SUCLG2: variants seen among roughly 807,000 people sequenced by gnomAD.
SUCLG2 encodes the protein succinate-CoA ligase GDP-forming subunit beta.
In SUCLG2, 42 loss-of-function variants were observed where a neutral mutation model predicts 47.9. The observed-to-expected ratio is 0.88, with a 90% confidence interval of 0.69 to 1.14. The LOEUF is 1.14. Ranked by LOEUF, SUCLG2 falls within the 50% of genes most tolerant of loss-of-function variation. The probability of loss-of-function intolerance (pLI) is 0.00; values close to 1 mark genes in which losing one functional copy is unlikely to be tolerated. For synonymous variants in SUCLG2, 195 were observed against 197.3 expected (o/e 0.99, Z 0.10); for missense variants, 571 against 525.9 (o/e 1.09, Z -0.84).
chr3:67,641,019 G>A lies in SUCLG2; in HGVS notation c.84+13484C>T, dbSNP rs1701092241. Among the ~76,000 whole-genome samples, 3 of 152,076 alleles carry A rather than the reference G, an allele frequency of 2.0e-5. No individual in the cohort carries two copies. The South Asian group carries it at 6.2e-4, about 31-fold the overall frequency. On this transcript the variant is annotated intron_variant, in intron 1 of 10. Transcript: ENST00000307227. The stretch of plus-strand genomic sequence containing the variant: ...TAAGTGAGATTAAAAATAATAATGA[G>A]GTTTGCTGGATTTACTTAAAATCAA...
At chr3:67,476,608 C>A (rs1217194285) in intron 9 of SUCLG2, among the ~76,000 whole-genome samples, 1 of 152,178 alleles carries the variant, frequency 6.6e-6, no homozygotes, top group East Asian at 1.9e-4. Flanking sequence ...ATCACCACCT[C>A]TTCCCCCGCA....
intron 7 of SUCLG2, among the ~76,000 whole-genome samples, chr3:67,500,627 G>T (rs373107161): frequency 6.6e-6 from 1 of 152,066 alleles, no homozygotes; most frequent in East Asian, 1.9e-4. Context: ...TTAATGACTG[G>T]TATAATAATC....
intron 2 of SUCLG2, among the ~76,000 whole-genome samples, chr3:67,556,043 G>A (rs1308378102): frequency 6.6e-6 from 1 of 152,180 alleles, no homozygotes; most frequent in Admixed American, 6.5e-5. Flanking sequence ...GGAGACACTG[G>A]ATGGATCCAG....
intron 1 of SUCLG2, among the ~76,000 whole-genome samples, chr3:67,615,464 T>C (rs1700608349): frequency 6.6e-6 from 1 of 152,132 alleles, no homozygotes; most frequent in Non-Finnish European, 1.5e-5. Context: ...AGCTCGACTT[T>C]GCACACTAGT....
chr3:67,419,146 A>G (rs1703098748), intron 9 of SUCLG2, among the ~76,000 whole-genome samples: 1 of 152,218 alleles, frequency 6.6e-6, no homozygotes, highest in Non-Finnish European at 1.5e-5. Context: ...GGATGCTGGC[A>G]TTCTATTTAC....
At chr3:67,448,425 G>A (rs571457783) in intron 9 of SUCLG2, among the ~76,000 whole-genome samples, 2 of 152,288 alleles carry the variant, frequency 1.3e-5, no homozygotes, top group East Asian at 3.9e-4. Flanking sequence ...TGACTCTGTA[G>A]CCCAGGCTGG....
chr3:67,402,452 T>C (rs1043786920), intron 9 of SUCLG2, among the ~76,000 whole-genome samples: 5 of 152,212 alleles, frequency 3.3e-5, no homozygotes, highest in Non-Finnish European at 5.9e-5. Flanking sequence ...CAATTAGAGA[T>C]TGGGGCTACT....
At chr3:67,447,195 G>C (rs996288120) in intron 9 of SUCLG2, among the ~76,000 whole-genome samples, 3 of 151,996 alleles carry the variant, frequency 2.0e-5, no homozygotes, top group Non-Finnish European at 2.9e-5. Flanking sequence ...CTAACATCTA[G>C]GATTTCTACC....
intron 7 of SUCLG2, among the ~76,000 whole-genome samples, chr3:67,506,902 G>C (rs9812033): frequency 0.024 from 3,675 of 152,294 alleles, 141 homozygotes; most frequent in African/African-American, 0.082. Flanking sequence ...AGTAGAAAAG[G>C]CAGGTAGCTG....
intron 4 of SUCLG2, among the ~76,000 whole-genome samples, chr3:67,521,937 T>C (rs1320569518): frequency 1.3e-5 from 2 of 152,088 alleles, no homozygotes; most frequent in African/African-American, 2.4e-5. Context: ...AAAATCTTAA[T>C]ACTACAACTT....
intron 9 of SUCLG2, among the ~76,000 whole-genome samples, chr3:67,452,289 T>C (rs1704074519): frequency 6.6e-6 from 1 of 152,202 alleles, no homozygotes; most frequent in South Asian, 2.1e-4. Flanking sequence ...ATAAAAAGCA[T>C]AAGTTATCAT....
chr3:67,381,199 T>TA (rs151241304), intron 10 of SUCLG2, among the ~76,000 whole-genome samples: 30 of 146,524 alleles, frequency 2.0e-4, no homozygotes, highest in East Asian at 1.5e-3. Flanking sequence ...AATAAATAAA[T>TA]AAATAAAATA....
At chr3:67,628,329 C>A (rs6808106) in intron 1 of SUCLG2, among the ~76,000 whole-genome samples, 1 of 151,862 alleles carries the variant, frequency 6.6e-6, no homozygotes, top group South Asian at 2.1e-4. Flanking sequence ...TGAATGAAGG[C>A]GAGTATGAAT....
Position 67,529,181 on chromosome 3 carries a change from T to C in SUCLG2, c.232A>G (p.Lys78Glu), listed in dbSNP as rs772165980. Reference protein sequence around the residue: ...ALEAAKRLNAKEIVLKAQILA... With the variant: ...ALEAAKRLNAEEIVLKAQILA... Reference sequence around the variant, plus strand: ...ATCTGGGCTTTTAAAACAATTTCTTTTGCATCTGAAAAAGAAAAATCCAGA... The same window carrying C: ...ATCTGGGCTTTTAAAACAATTTCTTCTGCATCTGAAAAAGAAAAATCCAGA... Residue 78 changes from lysine (K) to glutamate (E), a missense_variant, in exon 3 of 11, where the codon AAA (lysine) becomes GAA (glutamate). Coordinates refer to ENST00000307227, the MANE Select transcript of SUCLG2 (RefSeq NM_003848.4). The C allele has an allele frequency of 3.7e-6, 6 of 1,608,374 alleles. No individual in the cohort carries two copies. Among genetic ancestry groups the C allele is most frequent in the South Asian group, 1.1e-5 (1 of 89,252 alleles).
intron 2 of SUCLG2, among the ~76,000 whole-genome samples, chr3:67,559,617 G>T (rs559387860): frequency 6.6e-6 from 1 of 152,148 alleles, no homozygotes; most frequent in East Asian, 1.9e-4. Context: ...ATGAAATATT[G>T]GTGAGGACAG....
chr3:67,520,460 G>A (rs1293274842), intron 5 of SUCLG2, 22 bp downstream of exon 5: 1 of 1,613,678 alleles, frequency 6.2e-7, no homozygotes, highest in Non-Finnish European at 8.5e-7. Flanking sequence ...TTAATAGCAG[G>A]TAGCCCGGAA....
intron 9 of SUCLG2, among the ~76,000 whole-genome samples, chr3:67,440,984 C>T (rs1327231519): frequency 1.3e-5 from 2 of 152,130 alleles, no homozygotes; most frequent in African/African-American, 4.8e-5. Context: ...AATCCAAATG[C>T]CCATCAATGA....
At chr3:67,493,955 A>G (rs1344780886) in intron 9 of SUCLG2, among the ~76,000 whole-genome samples, 1 of 152,206 alleles carries the variant, frequency 6.6e-6, no homozygotes, top group African/African-American at 2.4e-5. Context: ...CTGCCTTTGA[A>G]CTTCAATAAC....
intron 1 of SUCLG2, among the ~76,000 whole-genome samples, chr3:67,614,930 T>G (rs1700597499): frequency 2.0e-5 from 3 of 152,176 alleles, no homozygotes; most frequent in Non-Finnish European, 4.4e-5. Flanking sequence ...CAGCATCACA[T>G]TCTTAAACTA....
Sources: allele counts gnomAD v4.1 joint callset (sites outside exome capture counted in the v4.1 genomes callset), GRCh38; gene constraint gnomAD v4.1.1; transcripts MANE v1.5; gene names NCBI Gene and HGNC (gene_info 2026-07-23, HGNC 2026-07-21).